TRIO: variants seen among roughly 807,000 people sequenced by gnomAD.
TRIO encodes trio Rho guanine nucleotide exchange factor.
In TRIO, 58 loss-of-function variants were observed where a neutral mutation model predicts 351.9. The ratio of observed to expected loss-of-function variants is 0.16; its 90% confidence interval spans 0.13 to 0.21. TRIO has a LOEUF of 0.21. TRIO is among the 10% of genes least tolerant of loss of function. The probability of loss-of-function intolerance (pLI) is 1.00; values close to 1 mark genes in which losing one functional copy is unlikely to be tolerated. For synonymous variants in TRIO, 1,758 were observed against 1,595.7 expected (o/e 1.10, Z -2.42); for missense variants, 3,201 against 4,027.8 (o/e 0.79, Z 5.56).
At chr5:14,344,828 T>G (rs1742271627) in intron 11 of TRIO, among the ~76,000 whole-genome samples, 1 of 152,260 alleles carries the variant, frequency 6.6e-6, no homozygotes, top group South Asian at 2.1e-4. Flanking sequence ...TACACAACTC[T>G]GTCCATCTCC....
At chr5:14,276,818 G>A (rs1735558515) in intron 2 of TRIO, among the ~76,000 whole-genome samples, 1 of 152,210 alleles carries the variant, frequency 6.6e-6, no homozygotes. Context: ...AGCTGTTTCT[G>A]TGGTCATCCT....
intron 4 of TRIO, 40 bp downstream of exon 4, chr5:14,287,103 G>T (rs1436650427): frequency 6.3e-7 from 1 of 1,593,418 alleles, no homozygotes. Flanking sequence ...AAACAAGTTG[G>T]TGTGGTTTAC....
intron 1 of TRIO, among the ~76,000 whole-genome samples, chr5:14,206,708 A>G (rs1166924913): frequency 2.0e-5 from 3 of 152,214 alleles, no homozygotes; most frequent in African/African-American, 7.2e-5. Flanking sequence ...TGCGTGAGAC[A>G]GTACAGATTG....
chr5:14,144,904 AGGCGGC>A (rs553815914), intron 1 of TRIO, among the ~76,000 whole-genome samples: 9 of 149,198 alleles, frequency 6.0e-5, no homozygotes, highest in East Asian at 2.0e-4. Context: ...GAGGAGGAGG[AGGCGGC>A]GGCGGCGGCG....
chr5:14,498,093 C>G lies in TRIO; in HGVS notation c.8052C>G (p.Pro2684=), dbSNP rs1028273978. The change falls in exon 52 of 57, where the codon CCC becomes CCG. Residue 2684 remains proline, a synonymous_variant. Coordinates refer to ENST00000344204, the MANE Select transcript of TRIO (RefSeq NM_007118.4). ...ACCGACTCCTTTCCCATGCAGTTCC[C>G]CCAGAATTCGTCATTCCATTGAGTG... ...LLNPNYIYDV[P]PEFVIPLSEV... is the part of the protein sequence containing the mutation. 3.7e-6 allele frequency: 6 copies of G among 1,614,128 alleles called. No individual in the cohort carries two copies. In the African/African-American group the frequency reaches 5.3e-5, roughly 14 times the overall value.
At chr5:14,478,179 G>A (rs374979426) in intron 41 of TRIO, among the ~76,000 whole-genome samples, 4 of 152,220 alleles carry the variant, frequency 2.6e-5, no homozygotes, top group Non-Finnish European at 1.5e-5. Flanking sequence ...AAAGTGTTAT[G>A]TGGACATCAT....
intron 54 of TRIO, 111 bp from the exon 55 acceptor site, chr5:14,504,282 C>T: frequency 1.6e-6 from 2 of 1,216,298 alleles, no homozygotes; most frequent in Middle Eastern, 2.1e-4. Flanking sequence ...AGAGCAGGGC[C>T]TCTGGACAGG....
intron 9 of TRIO, among the ~76,000 whole-genome samples, chr5:14,319,234 G>A (rs1369347068): frequency 1.3e-5 from 2 of 152,162 alleles, no homozygotes; most frequent in South Asian, 2.1e-4. Flanking sequence ...ATAGAAAATA[G>A]ATATTGCTCA....
At chr5:14,203,867 G>A (rs570857409) in intron 1 of TRIO, among the ~76,000 whole-genome samples, 3 of 152,342 alleles carry the variant, frequency 2.0e-5, no homozygotes, top group East Asian at 1.9e-4. Flanking sequence ...CAGGAATAGC[G>A]TGTAAAATTG....
At position 14,358,319 on chromosome 5, in the gene TRIO, G is replaced by A. The variant is rs2152336017; in HGVS notation, c.2188G>A (p.Glu730Lys). ...GCAGGTGACTGTCAACGTGATCAAG[G>A]AAGGGGAGGACCTCATCCAGCAGCT... ...TLQVTVNVIK[E>K]GEDLIQQLRD... The change falls in exon 12 of 57, where the codon GAA becomes AAA. Residue 730 changes from glutamate to lysine, a missense_variant. Physicochemically the swap from Glu to Lys is moderately conservative, Grantham distance 56. Coordinates refer to ENST00000344204, the MANE Select transcript of TRIO (RefSeq NM_007118.4). 1 of 1,614,196 alleles carries A rather than the reference G, an allele frequency of 6.2e-7. No individual in the cohort carries two copies. The highest frequency in any genetic ancestry group is 2.2e-5 in the East Asian group (1 of 44,878).
At chr5:14,227,429 ATGGACCACCTCATTTG>A (rs1793119455) in intron 1 of TRIO, among the ~76,000 whole-genome samples, 1 of 152,204 alleles carries the variant, frequency 6.6e-6, no homozygotes, top group African/African-American at 2.4e-5. Flanking sequence ...TAGACTTCTG[ATGGACCACCTCATTTG>A]TGGTTGTCAT....
chr5:14,196,247 A>AC (rs1790761606), intron 1 of TRIO, among the ~76,000 whole-genome samples: 1 of 150,738 alleles, frequency 6.6e-6, no homozygotes, highest in Non-Finnish European at 1.5e-5. Flanking sequence ...CATGGTGAAA[A>AC]CCCCCTCTCT....
chr5:14,477,625 T>G (rs1755181413), intron 41 of TRIO, among the ~76,000 whole-genome samples: 1 of 152,206 alleles, frequency 6.6e-6, no homozygotes, highest in African/African-American at 2.4e-5. Context: ...CAGCTGATCA[T>G]TTCTTAAAGG....
At chr5:14,298,691 G>A (rs1201742405) in intron 7 of TRIO, among the ~76,000 whole-genome samples, 2 of 152,172 alleles carry the variant, frequency 1.3e-5, no homozygotes, top group African/African-American at 2.4e-5. Context: ...AAAGTATAAA[G>A]CAAGAGAGGA....
In TRIO at chr5:14,476,798, A is replaced by G. The variant is rs1755107530; in HGVS notation, c.6084-96A>G. On this transcript the variant is annotated intron_variant, in intron 40 of 56. Coordinates refer to ENST00000344204, the MANE Select transcript of TRIO (RefSeq NM_007118.4). ...GATAGAGTGACACTCTCTCAAAAAA[A>G]AAAAAGAAAAAAAGAAAAAGAAAAA... is the stretch of plus-strand genomic sequence containing the variant. 4 of 1,133,136 alleles carry G rather than the reference A, an allele frequency of 3.5e-6. No individual in the cohort carries two copies. In the African/African-American group the frequency reaches 4.8e-5, roughly 14 times the overall value. 70.2% of individuals were successfully genotyped at this position (1,133,136 alleles called of 1,614,324 possible).
intron 49 of TRIO, among the ~76,000 whole-genome samples, chr5:14,493,190 TAGTC>T (rs1756619750): frequency 6.6e-6 from 1 of 151,566 alleles, no homozygotes; most frequent in African/African-American, 2.4e-5. Context: ...GGCCGCATAT[TAGTC>T]AGGGTCCTTC....
chr5:14,160,441 A>G (rs1788381087), intron 1 of TRIO, among the ~76,000 whole-genome samples: 1 of 152,216 alleles, frequency 6.6e-6, no homozygotes, highest in South Asian at 2.1e-4. Context: ...TGTGTAATGA[A>G]TGAGCTGTTT....
intron 9 of TRIO, among the ~76,000 whole-genome samples, chr5:14,329,792 G>A (rs1740741865): frequency 2.0e-5 from 3 of 152,164 alleles, no homozygotes; most frequent in Non-Finnish European, 4.4e-5. Context: ...GACAAAGTGG[G>A]CATTTGATGT....
chr5:14,290,891 A>G lies in TRIO; in HGVS notation c.716A>G (p.Asp239Gly), dbSNP rs771114176. 1 of 1,614,180 alleles carries G rather than the reference A, an allele frequency of 6.2e-7. No homozygotes were observed. Among genetic ancestry groups the G allele is most frequent in the South Asian group, 1.1e-5 (1 of 91,084 alleles). ...CTGTCTCGGCTGGAGGAACTTCAGG[A>G]CATCCTAGCTAAGAAGGAGCTGCCT... ...HMLSRLEELQ[D>G]ILAKKELPQD... Residue 239 changes from aspartate to glycine, a missense_variant, in exon 5 of 57, where the codon GAC (aspartate) becomes GGC (glycine). Physicochemically the swap from Asp to Gly is moderately conservative, Grantham distance 94 (BLOSUM62 -1). Transcript: ENST00000344204.
Sources: gnomAD v4.1 joint callset for allele counts (sites outside exome capture counted in the v4.1 genomes callset) on GRCh38, gnomAD v4.1.1 for gene constraint, MANE v1.5 for transcripts, NCBI Gene and HGNC (gene_info 2026-07-23, HGNC 2026-07-21) for gene names.